Variants in PCDHA8 observed in about 807,000 individuals in gnomAD.
The protein encoded by PCDHA8 is protocadherin alpha 8.
PCDHA8 carries 53 observed loss-of-function variants against 61.8 expected under a neutral mutation model. The observed-to-expected ratio is 0.86, with a 90% CI of 0.69 to 1.08. The LOEUF is 1.08. Among genes scored for constraint, PCDHA8 ranks in the 50% least tolerant of loss-of-function variants. The pLI is 0.00. For synonymous variants in PCDHA8, 618 were observed against 556.6 expected, an observed-to-expected ratio of 1.11 and a Z score of -1.55; for missense variants, 1,293 against 1,245.0, an observed-to-expected ratio of 1.04 and a Z score of -0.58.
intron 1 of PCDHA8, chr5:140,882,175 G>T: frequency 6.6e-7 from 1 of 1,515,152 alleles, no homozygotes; most frequent in Non-Finnish European, 8.8e-7. Flanking sequence ...GAATCCTTCC[G>T]CACTAGGAAG....
At chr5:140,943,854 CAAG>C (rs1298449902) in intron 1 of PCDHA8, among the ~76,000 whole-genome samples, 7 of 152,158 alleles carry the variant, frequency 4.6e-5, no homozygotes, top group African/African-American at 1.7e-4. Flanking sequence ...TCACAGAAGT[CAAG>C]AAGAGGTCTC....
intron 1 of PCDHA8, chr5:140,877,927 A>C: frequency 7.1e-7 from 1 of 1,416,192 alleles, no homozygotes; most frequent in South Asian, 1.6e-5. Flanking sequence ...TTTCTTTATG[A>C]TTCTATCCTT....
At chr5:140,860,259 A>T (rs559860776) in intron 1 of PCDHA8, 1 of 151,706 alleles carries the variant, frequency 6.6e-6, no homozygotes. Flanking sequence ...TTTAGTCCCT[A>T]CTGTAGTGCT....
At chr5:140,966,747 C>T (rs2096048243) in intron 1 of PCDHA8, 3 of 1,426,904 alleles carry the variant, frequency 2.1e-6, no homozygotes, top group Admixed American at 5.5e-5. Flanking sequence ...GCCCGGCTGC[C>T]TCCGCCGCGG....
At chr5:140,955,522 C>A (rs1467341493) in intron 1 of PCDHA8, among the ~76,000 whole-genome samples, 5 of 152,180 alleles carry the variant, frequency 3.3e-5, no homozygotes, top group African/African-American at 1.2e-4. Context: ...GCTTTCCCTT[C>A]CACCATGATT....
chr5:140,911,473 T>C (rs2075497981), intron 1 of PCDHA8, among the ~76,000 whole-genome samples: 1 of 152,180 alleles, frequency 6.6e-6, no homozygotes, highest in Non-Finnish European at 1.5e-5. Flanking sequence ...GATAAGACTC[T>C]CACTCAGGGC....
intron 1 of PCDHA8, among the ~76,000 whole-genome samples, chr5:140,846,373 C>CT (rs2150388509): frequency 0.025 from 1,401 of 55,028 alleles, 84 homozygotes; most frequent in East Asian, 0.045. Context: ...TTCTTTCTTT[C>CT]TTTTTTTTTT....
At chr5:140,982,054 G>T (rs565307071) in intron 2 of PCDHA8, among the ~76,000 whole-genome samples, 1 of 152,322 alleles carries the variant, frequency 6.6e-6, no homozygotes, top group East Asian at 1.9e-4. Context: ...AAATATTTTA[G>T]TGTGTTTTCT....
chr5:140,877,118 T>C, intron 1 of PCDHA8: 1 of 1,613,690 alleles, frequency 6.2e-7, no homozygotes, highest in South Asian at 1.1e-5. Flanking sequence ...GGCAGCAACG[T>C]GACGCTGCAG....
chr5:140,958,775 A>C (rs1179723793), intron 1 of PCDHA8, among the ~76,000 whole-genome samples: 1 of 152,170 alleles, frequency 6.6e-6, no homozygotes, highest in African/African-American at 2.4e-5. Flanking sequence ...GTTTGAAATC[A>C]ACTTTCTATT....
At chr5:140,989,325 G>A (rs1389327103) in intron 3 of PCDHA8, among the ~76,000 whole-genome samples, 5 of 152,164 alleles carry the variant, frequency 3.3e-5, no homozygotes, top group African/African-American at 1.2e-4. Flanking sequence ...CACCAACTTT[G>A]CCACCTGACT....
chr5:140,909,787 A>C (rs1299398218), intron 1 of PCDHA8, among the ~76,000 whole-genome samples: 2 of 152,156 alleles, frequency 1.3e-5, no homozygotes, highest in African/African-American at 4.8e-5. Flanking sequence ...ACCCACTCTA[A>C]GTCAGACTTC....
intron 1 of PCDHA8, among the ~76,000 whole-genome samples, chr5:140,895,711 T>C (rs2065121989): frequency 6.6e-6 from 1 of 152,216 alleles, no homozygotes; most frequent in African/African-American, 2.4e-5. Flanking sequence ...CTTGGGATAA[T>C]GGCCTGCACC....
At position 140,843,021 on chromosome 5, in the gene PCDHA8, A is replaced by C. The variant is rs2150350261; in HGVS notation, c.1700A>C (p.Glu567Ala). 58 of 1,595,034 alleles carry C rather than the reference A, an allele frequency of 3.6e-5. 4 individuals are homozygous for C. The East Asian group carries it at 5.1e-4, about 14-fold the overall frequency. The change falls in exon 1 of 4, where the codon GAG becomes GCG. Residue 567 changes from glutamate (E) to alanine (A), a missense_variant. Coordinates refer to ENST00000531613, the MANE Select transcript of PCDHA8 (RefSeq NM_018911.3). Reference sequence around the variant, plus strand: ...AATGACAACGCGCCGGCACTGCTGGAGCCTCGGGTGGGTGGCACTGGTGGC... The same window carrying C: ...AATGACAACGCGCCGGCACTGCTGGCGCCTCGGGTGGGTGGCACTGGTGGC... ...DENDNAPALL[E>A]PRVGGTGGAA...
chr5:140,917,585 T>C (rs1204000344), intron 1 of PCDHA8, among the ~76,000 whole-genome samples: 1 of 152,244 alleles, frequency 6.6e-6, no homozygotes, highest in Non-Finnish European at 1.5e-5. Context: ...TTTTTGTTCA[T>C]GCTGAAAGGA....
intron 1 of PCDHA8, among the ~76,000 whole-genome samples, chr5:140,944,781 G>T (rs1404959208): frequency 6.6e-6 from 1 of 152,114 alleles, no homozygotes; most frequent in Non-Finnish European, 1.5e-5. Context: ...TCCTGTTATT[G>T]TATTTTACAA....
At chr5:140,884,549 G>C (rs782470468) in intron 1 of PCDHA8, 2 of 1,614,016 alleles carry the variant, frequency 1.2e-6, no homozygotes, top group Non-Finnish European at 1.7e-6. Flanking sequence ...GGTGTGCTCT[G>C]GGGAGGGCCC....
chr5:140,967,100 G>A, intron 1 of PCDHA8: 1 of 1,613,092 alleles, frequency 6.2e-7, no homozygotes, highest in Non-Finnish European at 8.5e-7. Context: ...GGCGCTGTGT[G>A]AGCAGCGGCC....
intron 1 of PCDHA8, among the ~76,000 whole-genome samples, chr5:140,953,593 G>T (rs1392522676): frequency 6.6e-6 from 1 of 152,026 alleles, no homozygotes; most frequent in African/African-American, 2.4e-5. Context: ...GCCTCCTTTT[G>T]TTTATTCCCC....
Sources: allele counts gnomAD v4.1 joint callset (sites outside exome capture counted in the v4.1 genomes callset), GRCh38; gene constraint gnomAD v4.1.1; transcripts MANE v1.5; gene names NCBI Gene and HGNC (gene_info 2026-07-23, HGNC 2026-07-21).